Variants in FAM83E observed in about 807,000 individuals in gnomAD.
The protein encoded by FAM83E is scaffolding CK1 anchoring protein E, also known as protein FAM83E.
In FAM83E, 29 loss-of-function variants were observed where a neutral mutation model predicts 34.3. The observed-to-expected ratio is 0.85, with a 90% CI of 0.63 to 1.15. The LOEUF (loss-of-function observed/expected upper bound fraction) is 1.15. Ranked by LOEUF, FAM83E falls within the 50% of genes most tolerant of loss-of-function variation. The probability of loss-of-function intolerance (pLI) is 0.00; values close to 1 mark genes in which losing one functional copy is unlikely to be tolerated. For synonymous variants in FAM83E, 312 were observed against 311.6 expected, an observed-to-expected ratio of 1.00 and a Z score of -0.01; for missense variants, 697 against 685.0, an observed-to-expected ratio of 1.02 and a Z score of -0.20.
rs372192097 is a variant in FAM83E at position 48,610,704 on chromosome 19, C to T, written c.609G>A (p.Leu203=). The T allele has an allele frequency of 6.3e-7, 1 of 1,576,626 alleles. No homozygotes were observed. The highest frequency in any genetic ancestry group is 1.3e-5 in the African/African-American group (1 of 74,128). ...CCTCCGTGTTCCAGGGGTTCACCCC[C>T]AGCTGCTGGGCCAGTTCCAGGAAGG... ...LPAFLELAQQ[L]GVNPWNTENV... The change falls in exon 4 of 7, where the codon CTG becomes CTA. Residue 203 remains leucine (L), a synonymous_variant. Transcript: ENST00000263266.
At chr19:48,612,183 C>T (rs425879) in intron 3 of FAM83E, among the ~76,000 whole-genome samples, 27,496 of 151,974 alleles carry the variant, frequency 0.18, 2,716 homozygotes, top group East Asian at 0.37. Context: ...AAACCCTTCA[C>T]GTGGGAGCTG....
intron 6 of FAM83E, among the ~76,000 whole-genome samples, chr19:48,602,914 C>T (rs1387984129): frequency 6.8e-6 from 1 of 147,716 alleles, no homozygotes; most frequent in Non-Finnish European, 1.5e-5. Context: ...TGCAGTGGAA[C>T]GATCTCAGCT....
At chr19:48,607,952 C>T (rs565606094) in intron 5 of FAM83E, among the ~76,000 whole-genome samples, 1 of 152,196 alleles carries the variant, frequency 6.6e-6, no homozygotes, top group Non-Finnish European at 1.5e-5. Context: ...CTCTTTCAAA[C>T]ATTTCAAACA....
rs1388804654 is a variant in FAM83E at position 48,612,888 on chromosome 19, A to G, written c.465+20T>C. The G allele has an allele frequency of 6.6e-7, 1 of 1,510,582 alleles. No individual in the cohort carries two copies. Among genetic ancestry groups the G allele is most frequent in the Admixed American group, 2.1e-5 (1 of 47,862 alleles). 93.6% of individuals were successfully genotyped at this position (1,510,582 alleles called of 1,614,324 possible). A position where few individuals can be genotyped will look rare whatever the true frequency, so the allele number is the denominator to read the frequency against. ...CCGTCCCAGTCTGGTGAATGGACAC[A>G]GGGCCCCCGCGACACCCACCTTGTG... On this transcript the variant is annotated intron_variant, in intron 3 of 6. Coordinates refer to ENST00000263266, the MANE Select transcript of FAM83E (RefSeq NM_017708.4).
rs941233505 is a variant in FAM83E, at chr19:48,614,362, G to A, written c.-990C>T. Reference sequence around the variant, plus strand: ...CTGGCCCTGGGACCTGTTCCAGGCCGTCCTCTGATCTGCGGGGAGCCCTAC... The same window carrying A: ...CTGGCCCTGGGACCTGTTCCAGGCCATCCTCTGATCTGCGGGGAGCCCTAC... On this transcript the variant is annotated 5_prime_UTR_variant, in exon 3 of 7. It adds an upstream start codon to the 5' untranslated region. Transcript: ENST00000263266. 1.5e-5 allele frequency: 15 copies of A among 985,280 alleles called. No individual in the cohort carries two copies. Among genetic ancestry groups the A allele is most frequent in the East Asian group, 1.1e-4 (1 of 8,808 alleles). 61.0% of individuals were successfully genotyped at this position (985,280 alleles called of 1,614,324 possible).
At chr19:48,602,699 AAAAAAATATATATATATAT>A (rs1182572051) in intron 6 of FAM83E, among the ~76,000 whole-genome samples, 4 of 40,352 alleles carry the variant, frequency 9.9e-5, no homozygotes, top group African/African-American at 4.7e-4. Flanking sequence ...AAAAAAAAAA[AAAAAAATATATATATATAT>A]ATATATATAT....
chr19:48,601,764 CAA>C (rs768756786), intron 6 of FAM83E, among the ~76,000 whole-genome samples: 11 of 109,196 alleles, frequency 1.0e-4, no homozygotes, highest in Non-Finnish European at 1.3e-4. Context: ...GACTCAGTCT[CAA>C]AAAAAAAAAA....
rs1414615259 is a variant in FAM83E at position 48,610,828 on chromosome 19, T to C, written c.485A>G (p.Asp162Gly). ...AAGCAGGTCTGGGTCAGTGAAGACG[T>C]CCATGACCACGGCCACCAGCTGGGC... is the stretch of plus-strand genomic sequence containing the variant. ...AAHKLVAVVMDVFTDPDLLLD... is the reference protein window; with the variant it reads ...AAHKLVAVVMGVFTDPDLLLD... Residue 162 changes from aspartate (D) to glycine (G), a missense_variant, in exon 4 of 7, where the codon GAC becomes GGC. By Grantham distance (94) the Asp-to-Gly change is moderately conservative. Transcript: ENST00000263266. The C allele has an allele frequency of 6.3e-7, 1 of 1,595,064 alleles. No homozygotes were observed. Among genetic ancestry groups the C allele is most frequent in the Admixed American group, 1.7e-5 (1 of 57,340 alleles).
At chr19:48,610,958 G>A (rs1974031039) in intron 3 of FAM83E, 111 bp from the exon 4 acceptor site, 3 of 1,144,370 alleles carry the variant, frequency 2.6e-6, no homozygotes, top group South Asian at 1.5e-5. Context: ...TGCTCTGGGG[G>A]CTGGGAGTTT....
chr19:48,602,141 C>CAAAAAAAAAAAAAAAA (rs35272146), intron 6 of FAM83E, among the ~76,000 whole-genome samples: 23 of 41,560 alleles, frequency 5.5e-4, no homozygotes, highest in Non-Finnish European at 8.0e-4. Context: ...GACCCTATCT[C>CAAAAAAAAAAAAAAAA]AAAAAAAAAA....
At position 48,610,865 on chromosome 19, in the gene FAM83E, G is replaced by A. The variant is rs140047726; in HGVS notation, c.466-18C>T. ...GCCACCAGCTGGGCATGGGGAGAGG[G>A]GCGGTGGGCTTGTGAACGGAAGCTG... On this transcript the variant is annotated intron_variant, in intron 3 of 6. Transcript: ENST00000263266. 1.1e-4 allele frequency: 172 copies of A among 1,581,214 alleles called. 1 individual carries two copies. In the African/African-American group the frequency reaches 2.2e-3, roughly 20 times the overall value.
intron 5 of FAM83E, among the ~76,000 whole-genome samples, chr19:48,606,097 G>C (rs1045785193): frequency 6.6e-6 from 1 of 151,876 alleles, no homozygotes; most frequent in Non-Finnish European, 1.5e-5. Flanking sequence ...GATCACTTGA[G>C]CTCAAGAGTT....
chr19:48,603,204 G>C lies in FAM83E; in HGVS notation c.1176+290C>G, dbSNP rs73053588. Among the ~76,000 whole-genome samples, 19 of 152,138 alleles carry C rather than the reference G, an allele frequency of 1.2e-4. No homozygotes were observed. In the East Asian group the frequency reaches 3.7e-3, roughly 29 times the overall value. ...GCTCCTTCCTAGATGAGGATACCGA[G>C]GTTCAGAGAATTCAAGTCCTCGGCT... On this transcript the variant is annotated intron_variant, in intron 6 of 6. Transcript: ENST00000263266.
chr19:48,609,925 C>G lies in FAM83E; in HGVS notation c.709G>C (p.Glu237Gln). 1 of 1,613,138 alleles carries G rather than the reference C, an allele frequency of 6.2e-7. No homozygotes were observed. The highest frequency in any genetic ancestry group is 8.5e-7 in the Non-Finnish European group (1 of 1,179,988). Residue 237 changes from glutamate to glutamine, a missense_variant, in exon 5 of 7, where the codon GAG becomes CAG. Physicochemically the swap from Glu to Gln is conservative, Grantham distance 29. Transcript: ENST00000263266. ...WRRQVSGTVR[E>Q]KFVLLDGERV... ...TCGCCGTCCAGCAGCACAAACTTCT[C>G]CCGCACGGTGCCGCTCACCTGCCGT...
At chr19:48,602,133 C>A (rs1973826743) in intron 6 of FAM83E, among the ~76,000 whole-genome samples, 1 of 109,656 alleles carries the variant, frequency 9.1e-6, no homozygotes, top group Admixed American at 9.7e-5. Context: ...CAGAGCGAGA[C>A]CCTATCTCAA....
At chr19:48,607,108 G>A in intron 5 of FAM83E, 1 of 1,613,160 alleles carries the variant, frequency 6.2e-7, no homozygotes, top group Non-Finnish European at 8.5e-7. Context: ...CTGTGGCGAT[G>A]ACGAGGACTG....
chr19:48,607,515 A>G (rs770743682), intron 5 of FAM83E: 30 of 974,938 alleles, frequency 3.1e-5, no homozygotes, highest in Non-Finnish European at 4.2e-5. Context: ...GTGCTAGGGG[A>G]AGCATCCCCA....
intron 3 of FAM83E, among the ~76,000 whole-genome samples, chr19:48,612,593 G>A (rs565746565): frequency 1.2e-4 from 18 of 152,120 alleles, no homozygotes; most frequent in East Asian, 1.2e-3. Flanking sequence ...TAGTACAGAC[G>A]GGGTTTCACT....
chr19:48,603,300 C>T (rs987816564), intron 6 of FAM83E, among the ~76,000 whole-genome samples, 194 bp downstream of exon 6: 6 of 152,198 alleles, frequency 3.9e-5, no homozygotes, highest in African/African-American at 1.2e-4. Flanking sequence ...TGCCACCCAG[C>T]GCCCACCTGC....
Sources: gnomAD v4.1 joint callset for allele counts (sites outside exome capture counted in the v4.1 genomes callset) on GRCh38, gnomAD v4.1.1 for gene constraint, MANE v1.5 for transcripts, NCBI Gene and HGNC (gene_info 2026-07-23, HGNC 2026-07-21) for gene names.